C13orf42: variants seen among roughly 807,000 people sequenced by gnomAD.
C13orf42 encodes the protein uncharacterized protein C13orf42.
chr13:51,155,335 A>C (rs1239388459), intron 1 of C13orf42, among the ~76,000 whole-genome samples: 1 of 152,268 alleles, frequency 6.6e-6, no homozygotes, highest in Non-Finnish European at 1.5e-5. Context: ...AAGTAAGTCC[A>C]TGGGGAAAGG....
chr13:51,119,584 G>A (rs1410745747), intron 1 of C13orf42, among the ~76,000 whole-genome samples: 1 of 152,144 alleles, frequency 6.6e-6, no homozygotes, highest in Non-Finnish European at 1.5e-5. Context: ...AAAAGGGAAG[G>A]AAATTCTGAC....
chr13:51,134,153 TAGC>T (rs1953639593), intron 1 of C13orf42, among the ~76,000 whole-genome samples: 1 of 152,144 alleles, frequency 6.6e-6, no homozygotes, highest in African/African-American at 2.4e-5. Flanking sequence ...GGACCAAAAA[TAGC>T]AGCAATCTAG....
rs191291240 is a variant in C13orf42 at position 51,100,917 on chromosome 13, T to C, written c.414+9879A>G. Among the ~76,000 whole-genome samples, 76 of 152,292 alleles carry C rather than the reference T, an allele frequency of 5.0e-4. 1 individual carries two copies. The highest frequency in any genetic ancestry group is 1.7e-3 in the African/African-American group (72 of 41,574). The stretch of plus-strand genomic sequence containing the variant: ...AGAAGGTGAGTTGTTAAATTTGCCT[T>C]TTAAGCTTTTGTTTTCAAAAAGTAG... On this transcript the variant is annotated intron_variant, in intron 1 of 3. Transcript: ENST00000563710.
intron 1 of C13orf42, among the ~76,000 whole-genome samples, chr13:51,160,187 A>G (rs985718093): frequency 6.6e-6 from 1 of 152,240 alleles, no homozygotes; most frequent in Non-Finnish European, 1.5e-5. Flanking sequence ...AGGGTCACAC[A>G]GTGTGGGGTG....
chr13:51,161,629 T>C (rs772672290), intron 1 of C13orf42: 1 of 173,538 alleles, frequency 5.8e-6, no homozygotes, highest in Non-Finnish European at 1.2e-5. Flanking sequence ...GATCCTAAGC[T>C]TGCTTACCTT....
chr13:51,143,985 T>C (rs12870410), intron 1 of C13orf42, among the ~76,000 whole-genome samples: 18,892 of 152,190 alleles, frequency 0.12, 1,283 homozygotes, highest in African/African-American at 0.16. Flanking sequence ...ATAATTGTTA[T>C]ATTAAAATTG....
chr13:51,114,982 A>T (rs1953475883), upstream of C13orf42, among the ~76,000 whole-genome samples: 1 of 152,234 alleles, frequency 6.6e-6, no homozygotes. Context: ...ATATCAAAAG[A>T]TCATGTCATA....
chr13:51,147,741 C>T (rs1455520727), intron 1 of C13orf42, among the ~76,000 whole-genome samples: 1 of 39,854 alleles, frequency 2.5e-5, no homozygotes, highest in Admixed American at 2.1e-4. Flanking sequence ...AAAAAAACAA[C>T]GAAGGGGTGG....
intron 1 of C13orf42, among the ~76,000 whole-genome samples, chr13:51,167,692 G>T (rs1027003782): frequency 6.6e-6 from 1 of 152,128 alleles, no homozygotes; most frequent in African/African-American, 2.4e-5. Flanking sequence ...GATTTAAAAA[G>T]TCTCAGGGCT....
At chr13:51,148,559 G>GCA (rs1756937210) in intron 1 of C13orf42, among the ~76,000 whole-genome samples, 1 of 152,192 alleles carries the variant, frequency 6.6e-6, no homozygotes. Flanking sequence ...CGAAGGAAGA[G>GCA]CACAGCTCAT....
At chr13:51,091,738 G>A (rs1394969339) in intron 1 of C13orf42, among the ~76,000 whole-genome samples, 4 of 151,998 alleles carry the variant, frequency 2.6e-5, no homozygotes. Flanking sequence ...CAGCAAAGGG[G>A]CCCACGATCT....
chr13:51,156,555 C>A (rs1593555741), intron 1 of C13orf42, among the ~76,000 whole-genome samples: 1 of 152,304 alleles, frequency 6.6e-6, no homozygotes, highest in South Asian at 2.1e-4. Context: ...AAAGGCCACA[C>A]AGACCAAGGT....
intron 1 of C13orf42, among the ~76,000 whole-genome samples, chr13:51,117,141 G>A (rs1476618553): frequency 6.6e-6 from 1 of 152,224 alleles, no homozygotes; most frequent in Non-Finnish European, 1.5e-5. Context: ...CATCCAGGTG[G>A]AAGTAAGGAG....
At chr13:51,107,315 A>T (rs192073643) in intron 1 of C13orf42, among the ~76,000 whole-genome samples, 2,280 of 152,002 alleles carry the variant, frequency 0.015, 41 homozygotes, top group African/African-American at 0.04. Flanking sequence ...CAATTTTTTT[A>T]AAAAAAAATT....
intron 1 of C13orf42, among the ~76,000 whole-genome samples, chr13:51,096,591 A>C (rs891182813): frequency 6.6e-6 from 1 of 152,230 alleles, no homozygotes; most frequent in Non-Finnish European, 1.5e-5. Flanking sequence ...AATCATTTCA[A>C]AATAGTAACT....
upstream of C13orf42, among the ~76,000 whole-genome samples, chr13:51,112,289 T>C (rs1170936633): frequency 1.3e-5 from 2 of 152,176 alleles, no homozygotes; most frequent in African/African-American, 2.4e-5. Flanking sequence ...CCCCCAGAAA[T>C]TGTATGTAAA....
intron 2 of C13orf42, among the ~76,000 whole-genome samples, chr13:51,086,178 G>C (rs1953122699): frequency 6.6e-6 from 1 of 152,040 alleles, no homozygotes; most frequent in East Asian, 1.9e-4. Context: ...GTGGTGGTGA[G>C]CGCCCGTAGT....
chr13:51,170,083 C>G (rs926990335), intron 1 of C13orf42, among the ~76,000 whole-genome samples: 3 of 152,126 alleles, frequency 2.0e-5, no homozygotes, highest in Non-Finnish European at 4.4e-5. Flanking sequence ...CTCATCCTGG[C>G]TCAAAAAGCA....
chr13:51,111,353 C>G (rs148830344), upstream of C13orf42: 29 of 396,956 alleles, frequency 7.3e-5, no homozygotes, highest in African/African-American at 5.5e-4. Context: ...CAGGGAGCAC[C>G]GGCTTGATCA....
Sources: gnomAD v4.1 joint callset for allele counts (sites outside exome capture counted in the v4.1 genomes callset) on GRCh38, gnomAD v4.1.1 for gene constraint, MANE v1.5 for transcripts, NCBI Gene and HGNC (gene_info 2026-07-23, HGNC 2026-07-21) for gene names.